SV2C: variants seen among roughly 807,000 people sequenced by gnomAD.
SV2C encodes the protein solute carrier family 22 member B3.
Under a neutral mutation model 79.7 loss-of-function variants are expected in SV2C, and 49 were observed. That is an observed-to-expected ratio of 0.61 (90% CI 0.49 to 0.78). The LOEUF (loss-of-function observed/expected upper bound fraction) is 0.78, where lower values mean the gene tolerates loss of function less well. SV2C is among the 30% of genes least tolerant of loss of function. The pLI is 0.00. For synonymous variants in SV2C, 334 were observed against 333.2 expected (o/e 1.00, Z -0.03); for missense variants, 833 against 912.9 (o/e 0.91, Z 1.13).
intron 1 of SV2C, among the ~76,000 whole-genome samples, chr5:76,115,048 A>T (rs1037271248): frequency 6.6e-6 from 1 of 152,204 alleles, no homozygotes; most frequent in Non-Finnish European, 1.5e-5. Flanking sequence ...GAGCCCAAGT[A>T]TGTGTCTGAC....
At chr5:76,231,441 T>A (rs57009930) in intron 4 of SV2C, among the ~76,000 whole-genome samples, 17,300 of 150,978 alleles carry the variant, frequency 0.11, 2,875 homozygotes, top group African/African-American at 0.37. Context: ...TATTTATTTA[T>A]TTTTTTTTAT....
At chr5:76,318,696 A>G (rs1340219316) in intron 12 of SV2C, among the ~76,000 whole-genome samples, 1 of 152,246 alleles carries the variant, frequency 6.6e-6, no homozygotes, top group Non-Finnish European at 1.5e-5. Context: ...ATTTACATTT[A>G]AAAATTTTAA....
Position 76,209,728 on chromosome 5 carries a change from C to T in SV2C, c.762-8C>T, listed in dbSNP as rs2112354537. 1 of 1,613,230 alleles carries T rather than the reference C, an allele frequency of 6.2e-7. No individual in the cohort carries two copies. Among genetic ancestry groups the T allele is most frequent in the Admixed American group, 1.7e-5 (1 of 59,972 alleles). On this transcript the variant is annotated splice_polypyrimidine_tract_variant and splice_region_variant and intron_variant, in intron 3 of 12. Coordinates refer to ENST00000502798, the MANE Select transcript of SV2C (RefSeq NM_014979.4). Reference sequence around the variant, plus strand: ...CTGATTTCATGTATTCTCTGTACCTCTTGGCAGGATTGGAGGAGCCATACC... The same window carrying T: ...CTGATTTCATGTATTCTCTGTACCTTTTGGCAGGATTGGAGGAGCCATACC...
At chr5:76,262,956 C>A (rs1402265186) in intron 4 of SV2C, among the ~76,000 whole-genome samples, 1 of 152,054 alleles carries the variant, frequency 6.6e-6, no homozygotes, top group African/African-American at 2.4e-5. Context: ...TCCACTTGGT[C>A]CAGAGCTGAG....
At chr5:76,314,144 C>T (rs939222106) in intron 12 of SV2C, among the ~76,000 whole-genome samples, 1 of 152,144 alleles carries the variant, frequency 6.6e-6, no homozygotes, top group African/African-American at 2.4e-5. Context: ...TTATTTACTG[C>T]CATAACTCTA....
At chr5:76,248,142 C>A (rs993723218) in intron 4 of SV2C, among the ~76,000 whole-genome samples, 1 of 152,196 alleles carries the variant, frequency 6.6e-6, no homozygotes, top group South Asian at 2.1e-4. Flanking sequence ...TGGCCTGCCA[C>A]GAGCATCATC....
chr5:75,881,187 T>C, the SV2C span, among the ~76,000 whole-genome samples: 1 of 152,158 alleles, frequency 6.6e-6, no homozygotes, highest in Admixed American at 6.6e-5. Flanking sequence ...GGGGATTATG[T>C]TTCAACGAGA....
chr5:75,988,230 T>C, the SV2C span, among the ~76,000 whole-genome samples: 1 of 151,998 alleles, frequency 6.6e-6, no homozygotes, highest in African/African-American at 2.4e-5. Flanking sequence ...TCAATAAATA[T>C]AATAAACATT....
chr5:76,176,900 G>A (rs1163785054), intron 2 of SV2C, among the ~76,000 whole-genome samples: 2 of 152,130 alleles, frequency 1.3e-5, no homozygotes, highest in African/African-American at 2.4e-5. Flanking sequence ...TGGATCACAA[G>A]GTCAGGAGAT....
chr5:75,863,437 C>T, the SV2C span, among the ~76,000 whole-genome samples: 3 of 152,082 alleles, frequency 2.0e-5, no homozygotes, highest in Non-Finnish European at 2.9e-5. Flanking sequence ...AGTAAATTGT[C>T]GTAAAATTGG....
intron 4 of SV2C, among the ~76,000 whole-genome samples, chr5:76,231,679 T>C (rs1745428017): frequency 7.0e-6 from 1 of 142,240 alleles, no homozygotes; most frequent in South Asian, 2.1e-4. Context: ...TGAGTGAGAA[T>C]ATGCGGTGTT....
chr5:76,338,760 C>T (rs903150017), downstream of SV2C, among the ~76,000 whole-genome samples: 6 of 151,232 alleles, frequency 4.0e-5, no homozygotes, highest in East Asian at 3.9e-4. Flanking sequence ...TGGGTTCAAG[C>T]GATTCTCCCA....
chr5:75,999,279 T>C, the SV2C span, among the ~76,000 whole-genome samples: 1 of 151,674 alleles, frequency 6.6e-6, no homozygotes, highest in African/African-American at 2.4e-5. Flanking sequence ...TATGTGTGTA[T>C]GTACATATAT....
At chr5:76,206,500 G>C (rs1163947114) in intron 3 of SV2C, among the ~76,000 whole-genome samples, 1 of 152,200 alleles carries the variant, frequency 6.6e-6, no homozygotes, top group Non-Finnish European at 1.5e-5. Flanking sequence ...AAAACTTTCA[G>C]TCTAGCACCC....
intron 1 of SV2C, among the ~76,000 whole-genome samples, chr5:76,130,474 G>C (rs1350249913): frequency 1.3e-5 from 2 of 152,154 alleles, no homozygotes; most frequent in Non-Finnish European, 2.9e-5. Context: ...GCTACAAAAT[G>C]AAAAAGTAGA....
chr5:76,236,544 A>C (rs1579973070), intron 4 of SV2C, among the ~76,000 whole-genome samples: 1 of 150,824 alleles, frequency 6.6e-6, no homozygotes, highest in South Asian at 2.1e-4. Context: ...CCTGGGCAAC[A>C]GAATGAGACC....
At chr5:76,061,423 C>T in the SV2C span, among the ~76,000 whole-genome samples, 20 of 152,070 alleles carry the variant, frequency 1.3e-4, no homozygotes, top group South Asian at 1.5e-3. Flanking sequence ...TGAATCACTG[C>T]GTTACCTTTG....
chr5:75,910,411 G>T, the SV2C span: 1 of 592,062 alleles, frequency 1.7e-6, no homozygotes. Flanking sequence ...TTTCCTGCAG[G>T]GTTTCTGATA....
chr5:75,972,904 A>G, the SV2C span, among the ~76,000 whole-genome samples: 14 of 152,234 alleles, frequency 9.2e-5, no homozygotes, highest in South Asian at 2.9e-3. Context: ...CCTATTCACA[A>G]TAGCAAAGAC....
Sources: allele counts gnomAD v4.1 joint callset (sites outside exome capture counted in the v4.1 genomes callset), GRCh38; gene constraint gnomAD v4.1.1; transcripts MANE v1.5; gene names NCBI Gene and HGNC (gene_info 2026-07-23, HGNC 2026-07-21).